Variants in EXT2 observed in about 807,000 individuals in gnomAD.
EXT2 encodes the protein exostosin-2.
In EXT2, 53 loss-of-function variants were observed where a neutral mutation model predicts 81.6. That is an observed-to-expected ratio of 0.65 (90% CI 0.52 to 0.82). The LOEUF is 0.82. Among genes scored for constraint, EXT2 ranks in the 40% least tolerant of loss-of-function variants. EXT2 has a pLI of 0.00. For missense variants in EXT2, 774 were observed against 910.2 expected, an observed-to-expected ratio of 0.85 and a Z score of 1.93; for synonymous variants, 320 against 340.0, an observed-to-expected ratio of 0.94 and a Z score of 0.65.
chr11:44,147,483 A>G (rs1489994908), intron 7 of EXT2, among the ~76,000 whole-genome samples: 1 of 152,186 alleles, frequency 6.6e-6, no homozygotes, highest in Non-Finnish European at 1.5e-5. Context: ...TTTACTAATA[A>G]CACACTTCTT....
chr11:44,121,752 C>T (rs1954319960), intron 4 of EXT2, among the ~76,000 whole-genome samples: 2 of 152,104 alleles, frequency 1.3e-5, no homozygotes, highest in African/African-American at 4.8e-5. Context: ...CTTGGGCACC[C>T]TTCTCAGCCT....
At chr11:44,147,900 A>T (rs1954742560) in intron 7 of EXT2, among the ~76,000 whole-genome samples, 1 of 148,974 alleles carries the variant, frequency 6.7e-6, no homozygotes, top group Non-Finnish European at 1.5e-5. Context: ...GTGCTGTGGG[A>T]TCCTCCCTAT....
chr11:44,098,832 T>C (rs534053679), intron 1 of EXT2, among the ~76,000 whole-genome samples: 2 of 152,028 alleles, frequency 1.3e-5, no homozygotes, highest in South Asian at 4.2e-4. Context: ...ATCTAGCCAT[T>C]CCCCCTCCTC....
intron 8 of EXT2, among the ~76,000 whole-genome samples, chr11:44,180,122 T>G (rs1955214843): frequency 6.6e-6 from 1 of 152,190 alleles, no homozygotes; most frequent in Non-Finnish European, 1.5e-5. Context: ...TTAGGGCCTG[T>G]TTTCAAGGAG....
chr11:44,144,379 T>C, intron 7 of EXT2: 23 of 1,463,378 alleles, frequency 1.6e-5, no homozygotes, highest in Non-Finnish European at 2.1e-5. Context: ...CAGAAATGAA[T>C]CTCTAGTCTC....
chr11:44,113,726 ACTTTCTGGCCACCACTGCTTT>A (rs1954178441), intron 3 of EXT2, among the ~76,000 whole-genome samples: 1 of 152,136 alleles, frequency 6.6e-6, no homozygotes, highest in African/African-American at 2.4e-5. Flanking sequence ...GAAATGTGAT[ACTTTCTGGCCACCACTGCTTT>A]CCAGGACCAT....
chr11:44,104,535 A>C (rs1197544856), intron 1 of EXT2: 1 of 152,220 alleles, frequency 6.6e-6, no homozygotes, highest in Non-Finnish European at 1.5e-5. Flanking sequence ...CTGTGGCCCT[A>C]TTTTAAACTT....
At chr11:44,181,078 G>A (rs970956830) in intron 8 of EXT2, among the ~76,000 whole-genome samples, 3 of 151,640 alleles carry the variant, frequency 2.0e-5, no homozygotes, top group African/African-American at 4.8e-5. Flanking sequence ...TCCAGCCTGG[G>A]CAACAGAGTA....
intron 8 of EXT2, among the ~76,000 whole-genome samples, chr11:44,195,581 C>T (rs1475777412): frequency 6.6e-6 from 1 of 152,204 alleles, no homozygotes; most frequent in African/African-American, 2.4e-5. Context: ...GAGTTTCCAT[C>T]CCATATGTAT....
At chr11:44,105,592 G>T (rs913044269) in intron 1 of EXT2, among the ~76,000 whole-genome samples, 1 of 152,174 alleles carries the variant, frequency 6.6e-6, no homozygotes, top group African/African-American at 2.4e-5. Context: ...GTGCCCAGCT[G>T]TCTTTTTGTG....
At chr11:44,185,638 A>C (rs1338192127) in intron 8 of EXT2, among the ~76,000 whole-genome samples, 1 of 151,942 alleles carries the variant, frequency 6.6e-6, no homozygotes, top group African/African-American at 2.4e-5. Context: ...TCTTCTTTCC[A>C]CTCTGTATCA....
At position 44,220,086 on chromosome 11, in the gene EXT2, G is replaced by A. The variant is rs1342748868; in HGVS notation, c.1663-12267G>A. Among the ~76,000 whole-genome samples, 2 of 151,980 alleles carry A rather than the reference G, an allele frequency of 1.3e-5. No homozygotes were observed. The highest frequency in any genetic ancestry group is 6.5e-5 in the Admixed American group (1 of 15,274). ...ATCCAGTCTAGTAGTCAGCTTGCACGGCTGCTGGTGTGTTGCTGGTGCTGG... is the reference window on the plus strand; with the variant it reads ...ATCCAGTCTAGTAGTCAGCTTGCACAGCTGCTGGTGTGTTGCTGGTGCTGG... On this transcript the variant is annotated intron_variant, in intron 10 of 13. Coordinates refer to ENST00000533608, the MANE Select transcript of EXT2 (RefSeq NM_207122.2). The surrounding 1 kb of genome is among the most constrained non-coding windows in gnomAD (Gnocchi z 4.4).
rs763201393 is a variant in EXT2 at position 44,247,579 on chromosome 11, G to A, written c.*3292G>A. ...TGTATCCTTTACTCAGTGTCATCAA[G>A]TTCAAAGCTCTGACCACCCTGGTTT... On this transcript the variant is annotated 3_prime_UTR_variant, in exon 14 of 14. Transcript: ENST00000533608. Among the ~76,000 whole-genome samples the A allele has an allele frequency of 6.6e-6, 1 of 152,190 alleles. No homozygotes were observed. The highest frequency in any genetic ancestry group is 1.5e-5 in the Non-Finnish European group (1 of 68,034).
At chr11:44,197,512 C>A (rs1590639417) in intron 8 of EXT2, among the ~76,000 whole-genome samples, 2 of 152,230 alleles carry the variant, frequency 1.3e-5, no homozygotes, top group East Asian at 3.9e-4. Flanking sequence ...GATTTATATT[C>A]TTTTATATTC....
chr11:44,134,236 G>A (rs1954534201), intron 7 of EXT2, among the ~76,000 whole-genome samples: 1 of 152,156 alleles, frequency 6.6e-6, no homozygotes, highest in Admixed American at 6.5e-5. Context: ...ATTGTCCTGT[G>A]AGCTAATGAT....
At chr11:44,165,706 T>C (rs1954985601) in intron 7 of EXT2, among the ~76,000 whole-genome samples, 1 of 152,220 alleles carries the variant, frequency 6.6e-6, no homozygotes, top group African/African-American at 2.4e-5. Flanking sequence ...TGAATATGAC[T>C]TAAAAGAATA....
chr11:44,191,163 G>A (rs903366304), intron 8 of EXT2, among the ~76,000 whole-genome samples: 2 of 152,196 alleles, frequency 1.3e-5, no homozygotes, highest in African/African-American at 2.4e-5. Context: ...GACAGTTCTC[G>A]TGGCTGTTAG....
chr11:44,245,019 C>G lies in EXT2; in HGVS notation c.*732C>G, dbSNP rs1325980171. On this transcript the variant is annotated 3_prime_UTR_variant, in exon 14 of 14. Coordinates refer to ENST00000533608, the MANE Select transcript of EXT2 (RefSeq NM_207122.2). ...TTTAACTCCGTCTTTGGCCTGACAACAGTCTTCTGCCCATGTCTGGGAACA... is the reference window on the plus strand; with the variant it reads ...TTTAACTCCGTCTTTGGCCTGACAAGAGTCTTCTGCCCATGTCTGGGAACA... The G allele has an allele frequency of 4.3e-6, 1 of 232,248 alleles. No individual in the cohort carries two copies. The highest frequency in any genetic ancestry group is 8.5e-6 in the Non-Finnish European group (1 of 117,562). The allele number at this position is 232,248 out of a possible 1,614,324, so 14.4% of individuals were successfully genotyped here.
At position 44,248,210 on chromosome 11, in the gene EXT2, G is replaced by A. The variant is rs958573725; in HGVS notation, c.*3923G>A. The stretch of plus-strand genomic sequence containing the variant: ...GCAGCAAGAGAAGCCACAGTGGGCT[G>A]TTCCCCAAGCAGCCCTGGCACAGAG... On this transcript the variant is annotated 3_prime_UTR_variant, in exon 14 of 14. Transcript: ENST00000533608. Among the ~76,000 whole-genome samples the A allele has an allele frequency of 4.6e-5, 7 of 152,178 alleles. No homozygotes were observed. Among genetic ancestry groups the A allele is most frequent in the African/African-American group, 1.4e-4 (6 of 41,446 alleles).
Sources: gnomAD v4.1 joint callset for allele counts (sites outside exome capture counted in the v4.1 genomes callset) on GRCh38, gnomAD v4.1.1 for gene constraint, Gnocchi (gnomAD v3.1) non-coding constraint, MANE v1.5 for transcripts, NCBI Gene and HGNC (gene_info 2026-07-23, HGNC 2026-07-21) for gene names.